SRCIN1: variants seen among roughly 807,000 people sequenced by gnomAD.
SRCIN1 encodes the protein P130Cas-associated protein.
Under a neutral mutation model 116.2 loss-of-function variants are expected in SRCIN1, and 50 were observed. The ratio of observed to expected loss-of-function variants is 0.43; its 90% CI spans 0.34 to 0.54. The LOEUF (loss-of-function observed/expected upper bound fraction) is 0.54. SRCIN1 is among the 20% of genes least tolerant of loss of function. SRCIN1 has a pLI of 0.02. For synonymous variants in SRCIN1, 736 were observed against 750.0 expected, an observed-to-expected ratio of 0.98 and a Z score of 0.30; for missense variants, 1,446 against 1,672.0, an observed-to-expected ratio of 0.86 and a Z score of 2.36.
intron 1 of SRCIN1, among the ~76,000 whole-genome samples, chr17:38,584,867 A>G (rs1294881952): frequency 6.6e-6 from 1 of 152,110 alleles, no homozygotes; most frequent in Admixed American, 6.5e-5. Context: ...GGGAGGGAGA[A>G]GGAAGGAGAG....
At chr17:38,564,082 T>C (rs774185355) in intron 4 of SRCIN1, 36 bp downstream of exon 4, 18 of 1,485,122 alleles carry the variant, frequency 1.2e-5, no homozygotes, top group South Asian at 3.6e-5. Flanking sequence ...GGGAGGAGCC[T>C]GTGTGGGGAG....
chr17:38,562,281 G>C lies in SRCIN1; in HGVS notation c.882C>G (p.Leu294=). The change falls in exon 7 of 19, where the codon CTC becomes CTG. Residue 294 remains leucine, a synonymous_variant. Coordinates refer to ENST00000617146, the MANE Select transcript of SRCIN1 (RefSeq NM_025248.3). This position sits in a 1 kb window ranked among gnomAD's most constrained non-coding sequence, Gnocchi z 4.2. ...ASRESSPTRR[L]NNLSPAPHLA... is the part of the protein sequence containing the mutation. ...GGTGCGGCGCTGGTGACAGGTTGTT[G>C]AGGCGCCGCGTGGGCGAGGACTCCC... The C allele has an allele frequency of 1.4e-6, 2 of 1,478,600 alleles. No individual in the cohort carries two copies. The highest frequency in any genetic ancestry group is 2.5e-5 in the South Asian group (2 of 78,438). The allele number at this position is 1,478,600 out of a possible 1,614,324, so 91.6% of individuals were successfully genotyped here. A position where few individuals can be genotyped will look rare whatever the true frequency, so the allele number is the denominator to read the frequency against.
chr17:38,578,893 A>G, intron 1 of SRCIN1, 102 bp from the exon 2 acceptor site: 1 of 1,358,006 alleles, frequency 7.4e-7, no homozygotes, highest in Middle Eastern at 2.7e-4. Context: ...GCCTGGGCCT[A>G]AGGAGAGTGG....
chr17:38,558,078 C>T lies in SRCIN1; in HGVS notation c.2201+149G>A. The T allele has an allele frequency of 2.3e-6, 2 of 855,606 alleles. No individual in the cohort carries two copies. The highest frequency in any genetic ancestry group is 1.7e-5 in the African/African-American group (1 of 57,248). 53.0% of individuals were successfully genotyped at this position (855,606 alleles called of 1,614,324 possible). On this transcript the variant is annotated intron_variant, in intron 11 of 18. Transcript: ENST00000617146. The surrounding 1 kb of genome is among the most constrained non-coding windows in gnomAD (Gnocchi z 4.6). ...AAAAGTTTGTGGGTCACAGTGAAATCAGGCCAGAGGAGAATGAAATCAGGC... is the reference window on the plus strand; with the variant it reads ...AAAAGTTTGTGGGTCACAGTGAAATTAGGCCAGAGGAGAATGAAATCAGGC...
intron 1 of SRCIN1, chr17:38,601,038 C>T (rs1212652044): frequency 6.6e-6 from 1 of 152,302 alleles, no homozygotes; most frequent in Non-Finnish European, 1.5e-5. Context: ...AAGCAGGCAC[C>T]ATTAATATAT....
intron 3 of SRCIN1, 82 bp from the exon 4 acceptor site, chr17:38,564,395 T>C (rs1906539645): frequency 1.4e-6 from 2 of 1,394,588 alleles, no homozygotes; most frequent in Admixed American, 4.8e-5. Context: ...TATCCAGGCC[T>C]GGGAAGGTCC....
rs55974793 is a variant in SRCIN1 at position 38,532,993 on chromosome 17, T to G, written c.*304A>C. The G allele has an allele frequency of 4.8e-6, 1 of 207,742 alleles. No individual in the cohort carries two copies. The highest frequency in any genetic ancestry group is 9.4e-6 in the Non-Finnish European group (1 of 106,694). The allele number at this position is 207,742 out of a possible 1,614,324, so 12.9% of individuals were successfully genotyped here. ...AGTGGTGAAAGAGAAGAAGGAGAGA[T>G]GTGACAGGTGCGGCCAGCGAGAGGC... On this transcript the variant is annotated 3_prime_UTR_variant, in exon 19 of 19. Transcript: ENST00000617146. The surrounding 1 kb of genome is among the most constrained non-coding windows in gnomAD (Gnocchi z 4.3).
At position 38,539,191 on chromosome 17, in the gene SRCIN1, T is replaced by G. The variant is rs562432408; in HGVS notation, c.3417+4632A>C. ...TGCAGCTGTGACAACACAGATTTAC[T>G]TTAAGGTATAAAGTTGTAAACTTGG... On this transcript the variant is annotated intron_variant, in intron 18 of 18. Coordinates refer to ENST00000617146, the MANE Select transcript of SRCIN1 (RefSeq NM_025248.3). Among the ~76,000 whole-genome samples, 6 of 152,308 alleles carry G rather than the reference T, an allele frequency of 3.9e-5. No individual in the cohort carries two copies. In the South Asian group the frequency reaches 1.2e-3, roughly 32 times the overall value.
intron 8 of SRCIN1, 30 bp from the exon 9 acceptor site, chr17:38,560,127 G>A (rs545968112): frequency 2.0e-6 from 3 of 1,532,946 alleles, no homozygotes; most frequent in East Asian, 4.9e-5. Flanking sequence ...GCCATCAGGG[G>A]GTCCAGGCCA....
At chr17:38,587,051 C>T (rs187211437) in intron 1 of SRCIN1, among the ~76,000 whole-genome samples, 4 of 152,248 alleles carry the variant, frequency 2.6e-5, no homozygotes, top group South Asian at 4.1e-4. Context: ...TCTTCCTCCT[C>T]GCCCATCCCA....
chr17:38,575,388 T>C (rs1315406089), intron 2 of SRCIN1, among the ~76,000 whole-genome samples: 1 of 152,154 alleles, frequency 6.6e-6, no homozygotes, highest in East Asian at 1.9e-4. Flanking sequence ...TAGCAAGGAC[T>C]ACAGGGGCAA....
rs2040931727 is a variant in SRCIN1 at position 38,532,189 on chromosome 17, C to G, written c.*1108G>C. 1 of 152,294 alleles carries G rather than the reference C, an allele frequency of 6.6e-6. No homozygotes were observed. The highest frequency in any genetic ancestry group is 2.4e-5 in the African/African-American group (1 of 41,442). 9.4% of individuals were successfully genotyped at this position (152,294 alleles called of 1,614,324 possible). A position where few individuals can be genotyped will look rare whatever the true frequency, so the allele number is the denominator to read the frequency against. On this transcript the variant is annotated 3_prime_UTR_variant, in exon 19 of 19. Transcript: ENST00000617146. This position sits in a 1 kb window ranked among gnomAD's most constrained non-coding sequence, Gnocchi z 4.3. ...GCCCCATTGAAAAACTACGTCTCAT[C>G]CTTTCCTGGGAAAACCCTCAAATTG...
chr17:38,593,299 C>T (rs1375790562), intron 1 of SRCIN1, among the ~76,000 whole-genome samples: 1 of 152,086 alleles, frequency 6.6e-6, no homozygotes, highest in Non-Finnish European at 1.5e-5. Flanking sequence ...AGCACGGACT[C>T]CTCAGGAGGA....
chr17:38,584,532 C>G (rs1442795628), intron 1 of SRCIN1, among the ~76,000 whole-genome samples: 1 of 152,044 alleles, frequency 6.6e-6, no homozygotes, highest in Non-Finnish European at 1.5e-5. Flanking sequence ...GGCGGGCGCC[C>G]CCCAGTGGCC....
At chr17:38,581,924 C>A (rs1158491494) in intron 1 of SRCIN1, among the ~76,000 whole-genome samples, 1 of 152,212 alleles carries the variant, frequency 6.6e-6, no homozygotes, top group Non-Finnish European at 1.5e-5. Context: ...ACCCTCACCA[C>A]CAGCCAGAGG....
chr17:38,551,609 TAG>T, intron 14 of SRCIN1: 1 of 646,990 alleles, frequency 1.5e-6, no homozygotes, highest in Non-Finnish European at 2.6e-6. Context: ...GTGATAAACT[TAG>T]ATCTATTTCT....
At position 38,558,189 on chromosome 17, in the gene SRCIN1, C is replaced by T. The variant is rs113939890; in HGVS notation, c.2201+38G>A. 9.8e-5 allele frequency: 157 copies of T among 1,601,108 alleles called. 1 individual carries two copies. The African/African-American group carries it at 1.0e-3, about 11-fold the overall frequency. ...ACCAGGTTGCGGGTCACTCCAGCCGCACCCCCACCCCTCCCTCCGCCGCGG... is the reference window on the plus strand; with the variant it reads ...ACCAGGTTGCGGGTCACTCCAGCCGTACCCCCACCCCTCCCTCCGCCGCGG... On this transcript the variant is annotated intron_variant, in intron 11 of 18. Coordinates refer to ENST00000617146, the MANE Select transcript of SRCIN1 (RefSeq NM_025248.3). This position sits in a 1 kb window ranked among gnomAD's most constrained non-coding sequence, Gnocchi z 4.6.
intron 1 of SRCIN1, among the ~76,000 whole-genome samples, chr17:38,597,441 C>T (rs572491144): frequency 1.8e-4 from 28 of 152,310 alleles, no homozygotes; most frequent in African/African-American, 6.7e-4. Context: ...TTCAGTCAGA[C>T]AGAGGAAGAG....
Position 38,564,149 on chromosome 17 carries a change from G to T in SRCIN1, c.510C>A (p.Arg170=). The T allele has an allele frequency of 6.2e-7, 1 of 1,600,440 alleles. No individual in the cohort carries two copies. ...NRFRQSLPLS[R]SASQTKLRSP... ...AGCGCAGCTTGGTCTGGCTGGCCGA[G>T]CGGGAGAGAGGCAGGCTCTGTCGGA... Residue 170 remains arginine (R), a synonymous_variant, in exon 4 of 19, where the codon CGC becomes CGA. Coordinates refer to ENST00000617146, the MANE Select transcript of SRCIN1 (RefSeq NM_025248.3).
Sources: allele counts gnomAD v4.1 joint callset (sites outside exome capture counted in the v4.1 genomes callset), GRCh38; gene constraint gnomAD v4.1.1; non-coding constraint Gnocchi (gnomAD v3.1); transcripts MANE v1.5; gene names NCBI Gene and HGNC (gene_info 2026-07-23, HGNC 2026-07-21).